Variants in TSPAN18 observed in about 807,000 individuals in gnomAD.
TSPAN18 encodes the protein tetraspanin 18.
TSPAN18 carries 14 observed loss-of-function variants against 27.3 expected under a neutral mutation model. The ratio of observed to expected loss-of-function variants is 0.51; its 90% CI spans 0.34 to 0.80. TSPAN18 has a LOEUF of 0.80. TSPAN18 is among the 30% of genes least tolerant of loss of function. The pLI is 0.01. For missense variants in TSPAN18, 268 were observed against 323.9 expected (o/e 0.83, Z 1.32); for synonymous variants, 143 against 136.5 (o/e 1.05, Z -0.33).
intron 2 of TSPAN18, among the ~76,000 whole-genome samples, chr11:44,802,753 G>T (rs141369981): frequency 1.8e-3 from 268 of 152,206 alleles, no homozygotes; most frequent in African/African-American, 6.0e-3. Context: ...TGTCCAAACT[G>T]GTTCCCAAAA....
intron 5 of TSPAN18, 143 bp from the exon 6 acceptor site, chr11:44,917,829 T>C: frequency 1.5e-6 from 1 of 665,650 alleles, no homozygotes; most frequent in Non-Finnish European, 2.6e-6. Context: ...TTATGAAAAA[T>C]GTCTGATAGC....
At chr11:44,851,688 G>A (rs935700176) in intron 2 of TSPAN18, among the ~76,000 whole-genome samples, 5 of 145,292 alleles carry the variant, frequency 3.4e-5, no homozygotes, top group Non-Finnish European at 7.5e-5. Context: ...AGCACAGCCC[G>A]CCTGCTGCTT....
chr11:44,793,506 T>C (rs887574069), intron 2 of TSPAN18, among the ~76,000 whole-genome samples: 4 of 152,090 alleles, frequency 2.6e-5, no homozygotes, highest in Admixed American at 2.0e-4. Context: ...GTCAGGATGG[T>C]CGGTCATCCA....
At chr11:44,861,770 T>TC (rs1857893260) in intron 3 of TSPAN18, among the ~76,000 whole-genome samples, 1 of 144,192 alleles carries the variant, frequency 6.9e-6, no homozygotes, top group South Asian at 2.3e-4. Context: ...TTTTAGTGAA[T>TC]CTAGTATCTG....
At chr11:44,817,851 G>T (rs1014050330) in intron 2 of TSPAN18, among the ~76,000 whole-genome samples, 1 of 152,226 alleles carries the variant, frequency 6.6e-6, no homozygotes, top group Non-Finnish European at 1.5e-5. Flanking sequence ...TCCAGGAGCT[G>T]AAGTCACCCA....
chr11:44,929,339 CA>C lies in TSPAN18; in HGVS notation c.*165del, dbSNP rs1489245148. The stretch of plus-strand genomic sequence containing the variant: ...CAGGGGAATAGAGCTATTTTTTTAA[CA>C]AAACAAAATGAAGACAAAAATATGG... On this transcript the variant is annotated 3_prime_UTR_variant, in exon 10 of 10. Transcript: ENST00000520358. 1 of 858,498 alleles carries C rather than the reference CA, an allele frequency of 1.2e-6. No homozygotes were observed. Among genetic ancestry groups the C allele is most frequent in the African/African-American group, 1.7e-5 (1 of 58,238 alleles). The allele number at this position is 858,498 out of a possible 1,614,324, so 53.2% of individuals were successfully genotyped here.
intron 2 of TSPAN18, among the ~76,000 whole-genome samples, chr11:44,782,545 C>CAAAAAAAAA (rs71038822): frequency 1.8e-5 from 2 of 110,694 alleles, no homozygotes; most frequent in Non-Finnish European, 3.8e-5. Flanking sequence ...TCCGTCTCCA[C>CAAAAAAAAA]AAAAAAAAAA....
At chr11:44,928,806 TGCCTG>T (rs1339034325) in intron 9 of TSPAN18, among the ~76,000 whole-genome samples, 1 of 151,244 alleles carries the variant, frequency 6.6e-6, no homozygotes, top group South Asian at 2.1e-4. Flanking sequence ...AAAAAAACTG[TGCCTG>T]GCACATGGCA....
intron 2 of TSPAN18, among the ~76,000 whole-genome samples, chr11:44,857,056 C>T (rs774837445): frequency 2.0e-5 from 3 of 152,070 alleles, no homozygotes; most frequent in Non-Finnish European, 4.4e-5. Context: ...AACGAGATAC[C>T]CAGGGGCTGC....
At chr11:44,822,107 T>C (rs576700888) in intron 2 of TSPAN18, among the ~76,000 whole-genome samples, 4 of 151,704 alleles carry the variant, frequency 2.6e-5, no homozygotes, top group Non-Finnish European at 5.9e-5. Flanking sequence ...GGGGTGGGGG[T>C]ACAGGGATAG....
At chr11:44,801,784 C>T (rs1230522591) in intron 2 of TSPAN18, among the ~76,000 whole-genome samples, 1 of 152,120 alleles carries the variant, frequency 6.6e-6, no homozygotes, top group Non-Finnish European at 1.5e-5. Context: ...GTAATCGCAG[C>T]ACTTTGGGAC....
intron 2 of TSPAN18, among the ~76,000 whole-genome samples, chr11:44,817,429 G>A (rs1185549837): frequency 6.6e-6 from 1 of 152,232 alleles, no homozygotes; most frequent in Non-Finnish European, 1.5e-5. Flanking sequence ...TGCAGGTTGT[G>A]TTGATGTCTG....
At chr11:44,838,625 G>A (rs1013492857) in intron 2 of TSPAN18, among the ~76,000 whole-genome samples, 6 of 152,142 alleles carry the variant, frequency 3.9e-5, no homozygotes, top group Non-Finnish European at 7.3e-5. Context: ...GAGGAGTGTG[G>A]GAGTGACGCC....
At chr11:44,807,917 C>G (rs1856635697) in intron 2 of TSPAN18, among the ~76,000 whole-genome samples, 1 of 152,134 alleles carries the variant, frequency 6.6e-6, no homozygotes, top group South Asian at 2.1e-4. Context: ...CCCAGCTGCC[C>G]AAGGGTTACT....
chr11:44,925,470 C>T (rs1475722489), intron 8 of TSPAN18, among the ~76,000 whole-genome samples: 1 of 152,186 alleles, frequency 6.6e-6, no homozygotes, highest in Non-Finnish European at 1.5e-5. Context: ...TGGTCAGCCT[C>T]CAGGCAGGTA....
At chr11:44,872,485 G>A (rs1245591043) in intron 3 of TSPAN18, among the ~76,000 whole-genome samples, 1 of 152,246 alleles carries the variant, frequency 6.6e-6, no homozygotes, top group Non-Finnish European at 1.5e-5. Flanking sequence ...CACATGCTAA[G>A]TGCTGTGCTA....
chr11:44,906,629 G>T (rs1564989081), intron 4 of TSPAN18, 150 bp downstream of exon 4: 2 of 762,338 alleles, frequency 2.6e-6, no homozygotes, highest in South Asian at 3.2e-5. Flanking sequence ...TCATGGAAGG[G>T]GGCCCCCAGC....
At position 44,931,051 on chromosome 11, in the gene TSPAN18, CCCT is replaced by C; in HGVS notation, c.*1878_*1880del. On this transcript the variant is annotated 3_prime_UTR_variant, in exon 10 of 10. Transcript: ENST00000520358. ...TGCCTGCTGCAAAGATTCAGGTGGACCCTCCTCTAATCTCCTCCTGCTGTGCCC... is the reference window on the plus strand; with the variant it reads ...TGCCTGCTGCAAAGATTCAGGTGGACCCTCTAATCTCCTCCTGCTGTGCCC... 2.3e-6 allele frequency: 1 copy of C among 433,748 alleles called. No individual in the cohort carries two copies. Among genetic ancestry groups the C allele is most frequent in the Non-Finnish European group, 4.6e-6 (1 of 215,162 alleles). The allele number at this position is 433,748 out of a possible 1,614,324, so 26.9% of individuals were successfully genotyped here.
At chr11:44,737,300 G>A (rs534134481) in intron 1 of TSPAN18, among the ~76,000 whole-genome samples, 1 of 152,340 alleles carries the variant, frequency 6.6e-6, no homozygotes, top group African/African-American at 2.4e-5. Context: ...ATGAGGAGAA[G>A]CTGAGAAGGG....
Sources: gnomAD v4.1 joint callset for allele counts (sites outside exome capture counted in the v4.1 genomes callset) on GRCh38, gnomAD v4.1.1 for gene constraint, MANE v1.5 for transcripts, NCBI Gene and HGNC (gene_info 2026-07-23, HGNC 2026-07-21) for gene names.